The following PRTG variants were observed in gnomAD, a reference collection of about 807,000 sequenced individuals.
PRTG encodes protogenin, also known as immunoglobulin superfamily, DCC subclass, member 5.
PRTG carries 67 observed loss-of-function variants against 122.5 expected under a neutral mutation model. The observed-to-expected ratio is 0.55, with a 90% CI of 0.45 to 0.67. The LOEUF (loss-of-function observed/expected upper bound fraction) is 0.67, where lower values mean the gene tolerates loss of function less well. Among genes scored for constraint, PRTG ranks in the 30% least tolerant of loss-of-function variants. The pLI, the probability that PRTG is intolerant of heterozygous loss-of-function variation, is 0.00. For synonymous variants in PRTG, 554 were observed against 501.1 expected (o/e 1.11, Z -1.41); for missense variants, 1,435 against 1,415.4 (o/e 1.01, Z -0.22).
intron 11 of PRTG, among the ~76,000 whole-genome samples, chr15:55,667,809 G>C (rs1164142394): frequency 1.3e-5 from 2 of 152,174 alleles, no homozygotes; most frequent in Non-Finnish European, 2.9e-5. Context: ...AATCAGGCTG[G>C]GCATGGCGGC....
intron 2 of PRTG, among the ~76,000 whole-genome samples, chr15:55,691,320 A>C (rs1238959330): frequency 6.7e-6 from 1 of 149,410 alleles, no homozygotes; most frequent in African/African-American, 2.5e-5. Context: ...AAAAAAGTAC[A>C]GGTTCTACTC....
intron 2 of PRTG, among the ~76,000 whole-genome samples, chr15:55,725,742 G>A (rs1356845562): frequency 2.0e-5 from 3 of 152,166 alleles, no homozygotes; most frequent in Non-Finnish European, 4.4e-5. Context: ...AAAAACTCAT[G>A]ATTGAACTGT....
At chr15:55,672,873 A>C (rs376742080) in intron 10 of PRTG, among the ~76,000 whole-genome samples, 1 of 152,316 alleles carries the variant, frequency 6.6e-6, no homozygotes. Flanking sequence ...CTGGACATTT[A>C]ATTTTTTTTC....
intron 3 of PRTG, 86 bp from the exon 4 acceptor site, chr15:55,682,583 A>ATTTATTTATTT (rs2059546717): frequency 1.3e-4 from 27 of 203,488 alleles, no homozygotes; most frequent in Non-Finnish European, 1.8e-4. Context: ...TTTATTTATG[A>ATTTATTTATTT]GATGGAGTTT....
chr15:55,662,729 G>T (rs1189025351), intron 11 of PRTG, among the ~76,000 whole-genome samples: 2 of 152,122 alleles, frequency 1.3e-5, no homozygotes, highest in East Asian at 1.9e-4. Context: ...CATAGTAAGA[G>T]AAATTTCAAT....
At chr15:55,681,582 A>G (rs577923335) in intron 4 of PRTG, 1 of 152,240 alleles carries the variant, frequency 6.6e-6, no homozygotes, top group Admixed American at 6.5e-5. Flanking sequence ...TTGCATTAAG[A>G]TTGAGGATAT....
chr15:55,737,190 T>C lies in PRTG; in HGVS notation c.397+3192A>G, dbSNP rs1436529884. Among the ~76,000 whole-genome samples the C allele has an allele frequency of 4.6e-5, 7 of 152,352 alleles. No homozygotes were observed. In the East Asian group the frequency reaches 1.4e-3, roughly 29 times the overall value. ...TAGGAAATGGTTTAATCTTCTGTTCTTGCTATTGTACACAGCTAGAAAAAG... is the reference window on the plus strand; with the variant it reads ...TAGGAAATGGTTTAATCTTCTGTTCCTGCTATTGTACACAGCTAGAAAAAG... On this transcript the variant is annotated intron_variant, in intron 2 of 19. Transcript: ENST00000389286.
chr15:55,682,609 G>A (rs1004361980), intron 3 of PRTG, 112 bp from the exon 4 acceptor site: 5 of 427,038 alleles, frequency 1.2e-5, no homozygotes, highest in Admixed American at 5.5e-5. Flanking sequence ...TTGTTGCCCC[G>A]GCTGGAGTGC....
At chr15:55,633,816 A>G (rs1013386278) in intron 15 of PRTG, among the ~76,000 whole-genome samples, 30 of 152,186 alleles carry the variant, frequency 2.0e-4, no homozygotes, top group Non-Finnish European at 3.7e-4. Flanking sequence ...TTAGCTACGA[A>G]AAAAGTTCTC....
At chr15:55,717,712 T>A (rs1332522888) in intron 2 of PRTG, among the ~76,000 whole-genome samples, 1 of 152,276 alleles carries the variant, frequency 6.6e-6, no homozygotes, top group Non-Finnish European at 1.5e-5. Context: ...TTTTACTTGC[T>A]TTATGTATTT....
chr15:55,737,481 T>C lies in PRTG; in HGVS notation c.397+2901A>G, dbSNP rs113272773. The stretch of plus-strand genomic sequence containing the variant: ...CTCTGATGTGCTTGGGAGATAAGGC[T>C]CCATAGTGACACTTAAGGAAAGGCC... On this transcript the variant is annotated intron_variant, in intron 2 of 19. Transcript: ENST00000389286. Among the ~76,000 whole-genome samples the C allele has an allele frequency of 9.3e-4, 141 of 152,278 alleles. 1 individual carries two copies. Among genetic ancestry groups the C allele is most frequent in the African/African-American group, 3.2e-3 (135 of 41,564 alleles).
In PRTG at chr15:55,730,674, C is replaced by G. The variant is rs923515875; in HGVS notation, c.397+9708G>C. Among the ~76,000 whole-genome samples the G allele has an allele frequency of 2.0e-5, 3 of 152,022 alleles. 1 individual carries two copies. The highest frequency in any genetic ancestry group is 4.4e-5 in the Non-Finnish European group (3 of 68,020). ...AATCAGCCAGGCGTGGTGGTGGGTG[C>G]CTGTAGTCCCAGCTACTTGGGAGGC... On this transcript the variant is annotated intron_variant, in intron 2 of 19. Transcript: ENST00000389286.
At chr15:55,621,396 G>A (rs1158595751) in intron 18 of PRTG, among the ~76,000 whole-genome samples, 1 of 151,574 alleles carries the variant, frequency 6.6e-6, no homozygotes. Context: ...GGTGGCTCAC[G>A]CCTGTAATCC....
intron 2 of PRTG, among the ~76,000 whole-genome samples, chr15:55,692,222 T>C (rs902301733): frequency 1.3e-5 from 2 of 152,074 alleles, no homozygotes; most frequent in Non-Finnish European, 2.9e-5. Flanking sequence ...CCCACAAACA[T>C]GTTGACCATC....
intron 2 of PRTG, among the ~76,000 whole-genome samples, chr15:55,697,351 G>T (rs971506435): frequency 7.2e-5 from 11 of 152,144 alleles, no homozygotes; most frequent in African/African-American, 2.7e-4. Context: ...GCATACAACA[G>T]GCACTCGATA....
chr15:55,670,469 A>G lies in PRTG; in HGVS notation c.2041+1976T>C, dbSNP rs2059463062. On this transcript the variant is annotated intron_variant, in intron 11 of 19. Transcript: ENST00000389286. ...TTTCTCGAATCAATAATATGCAGGG[A>G]AAGGGACAGAATACTGAGAAGCCAT... 3.3e-5 allele frequency among the ~76,000 whole-genome samples: 5 copies of G among 152,306 alleles called. No homozygotes were observed. The South Asian group carries it at 8.3e-4, about 25-fold the overall frequency.
chr15:55,637,461 G>C lies in PRTG; in HGVS notation c.2453-121C>G, dbSNP rs1453977502. 6 of 695,708 alleles carry C rather than the reference G, an allele frequency of 8.6e-6. No individual in the cohort carries two copies. In the East Asian group the frequency reaches 1.7e-4, roughly 20 times the overall value. 43.1% of individuals were successfully genotyped at this position (695,708 alleles called of 1,614,324 possible). On this transcript the variant is annotated intron_variant, in intron 14 of 19. Transcript: ENST00000389286. ...TTAGAAACCTCCATAAGAAATCACA[G>C]CTTTCAAAGATCATTAGTGATAATA...
Position 55,689,900 on chromosome 15 carries a change from C to G in PRTG, c.398-5969G>C, listed in dbSNP as rs546532369. On this transcript the variant is annotated intron_variant, in intron 2 of 19. Transcript: ENST00000389286. The stretch of plus-strand genomic sequence containing the variant: ...CCGAGATTGCACCACTACACTCCAG[C>G]GTGGGTGACAGAGCAAGACTCCGTC... Among the ~76,000 whole-genome samples the G allele has an allele frequency of 1.2e-4, 18 of 148,924 alleles. No individual in the cohort carries two copies. In the East Asian group the frequency reaches 3.5e-3, roughly 29 times the overall value.
chr15:55,674,745 A>G (rs773200381), intron 9 of PRTG, among the ~76,000 whole-genome samples: 1 of 152,162 alleles, frequency 6.6e-6, no homozygotes, highest in African/African-American at 2.4e-5. Context: ...AAAAACTAAG[A>G]GCAGATCATT....
Sources: allele counts gnomAD v4.1 joint callset (sites outside exome capture counted in the v4.1 genomes callset), GRCh38; gene constraint gnomAD v4.1.1; transcripts MANE v1.5; gene names NCBI Gene and HGNC (gene_info 2026-07-23, HGNC 2026-07-21).